Variants in SPAG17 observed in about 807,000 individuals in gnomAD.
The protein encoded by SPAG17 is sperm associated antigen 17, also known as sperm-associated antigen 17.
Under a neutral mutation model 273.6 loss-of-function variants are expected in SPAG17, and 169 were observed. The ratio of observed to expected loss-of-function variants is 0.62; its 90% CI spans 0.55 to 0.70. The LOEUF is 0.70. Ranked by LOEUF, SPAG17 falls within the 30% of genes least tolerant of loss-of-function variation. The probability of loss-of-function intolerance (pLI) is 0.00; values close to 1 mark genes in which losing one functional copy is unlikely to be tolerated. For synonymous variants in SPAG17, 825 were observed against 873.2 expected, an observed-to-expected ratio of 0.94 and a Z score of 0.97; for missense variants, 2,557 against 2,627.8, an observed-to-expected ratio of 0.97 and a Z score of 0.59.
intron 3 of SPAG17, among the ~76,000 whole-genome samples, chr1:118,147,994 A>C (rs888059549): frequency 7.2e-5 from 11 of 152,174 alleles, no homozygotes. Context: ...AGCTAACGAG[A>C]GTACCCTACA....
intron 43 of SPAG17, among the ~76,000 whole-genome samples, chr1:117,978,117 C>T (rs181674278): frequency 1.4e-4 from 22 of 152,280 alleles, no homozygotes; most frequent in Middle Eastern, 3.4e-3. Context: ...ATCCAGCAGG[C>T]GATTATTTGA....
chr1:118,054,564 A>G (rs188915520), intron 19 of SPAG17, among the ~76,000 whole-genome samples: 7 of 152,074 alleles, frequency 4.6e-5, no homozygotes, highest in Non-Finnish European at 8.8e-5. Context: ...ATTAACCATT[A>G]TCTAGATTTT....
At chr1:118,064,778 A>G (rs943140344) in intron 18 of SPAG17, among the ~76,000 whole-genome samples, 2 of 151,504 alleles carry the variant, frequency 1.3e-5, no homozygotes, top group African/African-American at 4.8e-5. Flanking sequence ...ATAAAAAAAG[A>G]AAGATAATAA....
intron 30 of SPAG17, among the ~76,000 whole-genome samples, chr1:118,010,644 G>A (rs1450158543): frequency 2.6e-5 from 4 of 152,024 alleles, no homozygotes; most frequent in South Asian, 2.1e-4. Flanking sequence ...CATTCTAGAC[G>A]TAGCAACAGG....
At chr1:118,021,005 T>C (rs1394879388) in intron 28 of SPAG17, among the ~76,000 whole-genome samples, 1 of 152,276 alleles carries the variant, frequency 6.6e-6, no homozygotes, top group African/African-American at 2.4e-5. Context: ...AGTGACCATA[T>C]GGCCCACAAA....
At chr1:118,063,916 G>A (rs1375638222) in intron 18 of SPAG17, among the ~76,000 whole-genome samples, 2 of 152,142 alleles carry the variant, frequency 1.3e-5, no homozygotes, top group Non-Finnish European at 2.9e-5. Context: ...CCATCAAAAA[G>A]TGGGCGAAGG....
At chr1:118,146,174 T>TTATCC (rs1658978273) in intron 3 of SPAG17, among the ~76,000 whole-genome samples, 1 of 152,222 alleles carries the variant, frequency 6.6e-6, no homozygotes, top group Non-Finnish European at 1.5e-5. Context: ...ATTTGCACAT[T>TTATCC]TATCCCATAA....
chr1:117,997,408 G>T (rs1211738782), intron 32 of SPAG17, among the ~76,000 whole-genome samples: 1 of 151,874 alleles, frequency 6.6e-6, no homozygotes, highest in Non-Finnish European at 1.5e-5. Context: ...AACTCATGCT[G>T]TGAAGAGTTT....
intron 48 of SPAG17, chr1:117,956,979 A>G (rs920747449): frequency 8.3e-7 from 1 of 1,207,146 alleles, no homozygotes; most frequent in Non-Finnish European, 1.1e-6. Flanking sequence ...AAATCAGTAG[A>G]AAAAATAATA....
In SPAG17 at chr1:118,093,247, T is replaced by C; in HGVS notation, c.1082A>G (p.Gln361Arg). 1 of 1,613,780 alleles carries C rather than the reference T, an allele frequency of 6.2e-7. No homozygotes were observed. The highest frequency in any genetic ancestry group is 8.5e-7 in the Non-Finnish European group (1 of 1,179,818). Residue 361 changes from glutamine to arginine, a missense_variant, in exon 8 of 49, where the codon CAG becomes CGG. Transcript: ENST00000336338. ...CATGCTTTCCAAATAGTGCTGGTGC[T>C]GCCTTTTCCAATCCAGGATGTCATA... ...LMYDILDWKR[Q>R]HQHYLESMQL...
chr1:118,126,823 C>T (rs1436032459), intron 3 of SPAG17, among the ~76,000 whole-genome samples: 3 of 152,118 alleles, frequency 2.0e-5, no homozygotes, highest in Non-Finnish European at 4.4e-5. Context: ...AGTTTTAGAT[C>T]TTACATTTAA....
At chr1:118,103,940 T>A (rs963001977) in intron 4 of SPAG17, among the ~76,000 whole-genome samples, 1 of 150,998 alleles carries the variant, frequency 6.6e-6, no homozygotes, top group Admixed American at 6.6e-5. Flanking sequence ...GCAGGGAAAT[T>A]AGCAGTGGAG....
chr1:117,963,685 T>G, intron 48 of SPAG17, 114 bp downstream of exon 48: 2 of 983,634 alleles, frequency 2.0e-6, no homozygotes, highest in Non-Finnish European at 2.9e-6. Flanking sequence ...TTTCATTCAT[T>G]CAGGCCAGGT....
At chr1:118,180,192 T>A (rs1384691167) in intron 1 of SPAG17, among the ~76,000 whole-genome samples, 1 of 152,050 alleles carries the variant, frequency 6.6e-6, no homozygotes, top group Non-Finnish European at 1.5e-5. Flanking sequence ...GGAATCAATC[T>A]AAGTTCCCAT....
chr1:118,114,477 T>C (rs1656950816), intron 4 of SPAG17, among the ~76,000 whole-genome samples: 1 of 152,196 alleles, frequency 6.6e-6, no homozygotes, highest in South Asian at 2.1e-4. Flanking sequence ...TTCACTTTTC[T>C]GTTTTTTCTT....
At chr1:118,156,298 T>C (rs1425462515) in intron 1 of SPAG17, among the ~76,000 whole-genome samples, 1 of 152,202 alleles carries the variant, frequency 6.6e-6, no homozygotes, top group Non-Finnish European at 1.5e-5. Context: ...TGGCAGTGAA[T>C]GGGAAATGGA....
Position 118,111,273 on chromosome 1 carries a change from C to A in SPAG17, c.447+4037G>T, listed in dbSNP as rs926404549. ...TTATGGATAAGCCATCTGGGGGGGT[C>A]ATTTATTATTTCTCCTGAATTGTTG... On this transcript the variant is annotated intron_variant, in intron 4 of 48. Transcript: ENST00000336338. 1.1e-4 allele frequency among the ~76,000 whole-genome samples: 17 copies of A among 152,042 alleles called. No individual in the cohort carries two copies. In the East Asian group the frequency reaches 1.7e-3, roughly 16 times the overall value.
At position 117,986,915 on chromosome 1, in the gene SPAG17, A is replaced by G. The variant is rs377017557; in HGVS notation, c.5669+919T>C. Among the ~76,000 whole-genome samples the G allele has an allele frequency of 3.3e-5, 5 of 152,308 alleles. No individual in the cohort carries two copies. In the South Asian group the frequency reaches 6.2e-4, roughly 19 times the overall value. ...TGACCTTCCCCTGAAGCAGCTCATA[A>G]GACTCTCTCATGAGAGGTGCCCTTG... On this transcript the variant is annotated intron_variant, in intron 40 of 48. Transcript: ENST00000336338.
At chr1:118,140,384 A>T (rs1658610132) in intron 3 of SPAG17, among the ~76,000 whole-genome samples, 1 of 152,218 alleles carries the variant, frequency 6.6e-6, no homozygotes, top group African/African-American at 2.4e-5. Flanking sequence ...TGTTTGAGGT[A>T]ATGGATATGT....
Sources: gnomAD v4.1 joint callset for allele counts (sites outside exome capture counted in the v4.1 genomes callset) on GRCh38, gnomAD v4.1.1 for gene constraint, MANE v1.5 for transcripts, NCBI Gene and HGNC (gene_info 2026-07-23, HGNC 2026-07-21) for gene names.